Variants in RBFOX1 observed in about 807,000 individuals in gnomAD.
RBFOX1 encodes the protein RNA binding fox-1 homolog 1, also known as RNA binding protein fox-1 homolog 1.
In RBFOX1, 8 loss-of-function variants were observed where a neutral mutation model predicts 57.7. The observed-to-expected ratio is 0.14, with a 90% CI of 0.08 to 0.25. The LOEUF (loss-of-function observed/expected upper bound fraction) is 0.25, where lower values mean the gene tolerates loss of function less well. Ranked by LOEUF, RBFOX1 falls within the 10% of genes least tolerant of loss-of-function variation. RBFOX1 has a pLI of 1.00. For missense variants in RBFOX1, 611 were observed against 548.5 expected, an observed-to-expected ratio of 1.11 and a Z score of -1.14; for synonymous variants, 326 against 222.4, an observed-to-expected ratio of 1.47 and a Z score of -4.15.
chr16:7,197,405 T>G (rs2086981494), intron 4 of RBFOX1, among the ~76,000 whole-genome samples: 2 of 129,684 alleles, frequency 1.5e-5, no homozygotes. Context: ...AGTTAAAAGG[T>G]AGTCATGGGG....
intron 2 of RBFOX1, among the ~76,000 whole-genome samples, chr16:6,418,655 C>G (rs976340671): frequency 4.6e-5 from 7 of 150,834 alleles, no homozygotes; most frequent in African/African-American, 1.7e-4. Context: ...TTCTAAGTAG[C>G]TGGGCTACAG....
At chr16:7,610,186 C>T (rs1409428119) in intron 10 of RBFOX1, among the ~76,000 whole-genome samples, 1 of 125,978 alleles carries the variant, frequency 7.9e-6, no homozygotes, top group African/African-American at 3.1e-5. Flanking sequence ...GTGGCATGAT[C>T]TCGACTCTCT....
At chr16:6,071,177 C>T (rs2095832790) in intron 1 of RBFOX1, among the ~76,000 whole-genome samples, 1 of 152,018 alleles carries the variant, frequency 6.6e-6, no homozygotes, top group Non-Finnish European at 1.5e-5. Flanking sequence ...CAAAAATTAG[C>T]GGGACGTGTG....
rs35407844 is a variant in RBFOX1, at chr16:6,539,806, GACAC to G, written c.-63-114769_-63-114766del. On this transcript the variant is annotated intron_variant, in intron 2 of 15. Coordinates refer to ENST00000550418, the MANE Select transcript of RBFOX1 (RefSeq NM_018723.4). Reference sequence around the variant, plus strand: ...GACTGAGGCTGCATCTCAAAACACAGACACACACACACACACACACACACACACA... The same window carrying G: ...GACTGAGGCTGCATCTCAAAACACAGACACACACACACACACACACACACA... Among the ~76,000 whole-genome samples, 129 of 136,320 alleles carry G rather than the reference GACAC, an allele frequency of 9.5e-4. 3 individuals are homozygous for G. In the South Asian group the frequency reaches 0.011, roughly 12 times the overall value. The allele number at this position is 136,320 out of a possible 152,430, so 89.4% of individuals were successfully genotyped here.
chr16:6,710,837 C>G (rs1248760203), intron 3 of RBFOX1, among the ~76,000 whole-genome samples: 1 of 152,152 alleles, frequency 6.6e-6, no homozygotes, highest in Non-Finnish European at 1.5e-5. Flanking sequence ...GTAGCAAAAA[C>G]AAATTTGGTG....
chr16:5,557,175 G>A (rs560171123), intron 2 of RBFOX1, among the ~76,000 whole-genome samples: 39 of 152,078 alleles, frequency 2.6e-4, no homozygotes, highest in African/African-American at 8.0e-4. Flanking sequence ...CAGGAAAGTC[G>A]TTTGAACCCA....
intron 1 of RBFOX1, among the ~76,000 whole-genome samples, chr16:5,423,137 G>A (rs2067405282): frequency 6.6e-6 from 1 of 151,722 alleles, no homozygotes; most frequent in African/African-American, 2.4e-5. Context: ...GAGGTGGAGA[G>A]GGAGAAGGTT....
intron 3 of RBFOX1, among the ~76,000 whole-genome samples, chr16:6,819,760 C>T (rs894005639): frequency 1.9e-5 from 2 of 105,270 alleles, no homozygotes; most frequent in South Asian, 3.2e-4. Flanking sequence ...TATAGTATAA[C>T]AGGTATTAAA....
At chr16:7,428,298 A>G (rs1421696012) in intron 4 of RBFOX1, among the ~76,000 whole-genome samples, 2 of 145,158 alleles carry the variant, frequency 1.4e-5, no homozygotes, top group Admixed American at 6.9e-5. Flanking sequence ...TGTATGAGAT[A>G]TATTTGACCT....
chr16:6,684,450 T>C (rs751585562), intron 3 of RBFOX1, among the ~76,000 whole-genome samples: 9 of 152,210 alleles, frequency 5.9e-5, no homozygotes, highest in Non-Finnish European at 1.2e-4. Flanking sequence ...ATGCAATCAA[T>C]TGCTGGCCAC....
At chr16:6,691,156 C>T (rs1487204015) in intron 3 of RBFOX1, among the ~76,000 whole-genome samples, 2 of 152,116 alleles carry the variant, frequency 1.3e-5, no homozygotes, top group Non-Finnish European at 2.9e-5. Context: ...CCAACCATGT[C>T]TTTTGTATCA....
intron 4 of RBFOX1, among the ~76,000 whole-genome samples, chr16:7,155,856 C>G (rs951820936): frequency 6.7e-6 from 1 of 149,960 alleles, no homozygotes; most frequent in African/African-American, 2.5e-5. Context: ...TGTGATGAAC[C>G]ATATGTAGTG....
intron 1 of RBFOX1, among the ~76,000 whole-genome samples, chr16:5,343,529 C>T (rs1415051303): frequency 6.6e-6 from 1 of 151,350 alleles, no homozygotes; most frequent in Non-Finnish European, 1.5e-5. Context: ...CACCGTGTTA[C>T]CCAGGATGGT....
intron 4 of RBFOX1, among the ~76,000 whole-genome samples, chr16:7,124,516 C>T (rs79068378): frequency 1.1e-5 from 1 of 92,902 alleles, no homozygotes; most frequent in Non-Finnish European, 2.2e-5. Context: ...CCTCCCCTCC[C>T]CTCCCCTCCC....
At chr16:6,323,440 G>T (rs1041980891) in intron 2 of RBFOX1, among the ~76,000 whole-genome samples, 1 of 152,116 alleles carries the variant, frequency 6.6e-6, no homozygotes, top group African/African-American at 2.4e-5. Flanking sequence ...AGTCTTGCTT[G>T]CTTCTGTATC....
Position 6,542,483 on chromosome 16 carries a change from C to CTTTTTTTTTTTTTTTT in RBFOX1, c.-63-112111_-63-112096dup, listed in dbSNP as rs71145245. Among the ~76,000 whole-genome samples the CTTTTTTTTTTTTTTTT allele has an allele frequency of 1.1e-3, 61 of 55,728 alleles. 14 individuals carry two copies. The highest frequency in any genetic ancestry group is 2.4e-3 in the East Asian group (4 of 1,648). 36.6% of individuals were successfully genotyped at this position (55,728 alleles called of 152,430 possible). A position where few individuals can be genotyped will look rare whatever the true frequency, so the allele number is the denominator to read the frequency against. On this transcript the variant is annotated intron_variant, in intron 2 of 15. Coordinates refer to ENST00000550418, the MANE Select transcript of RBFOX1 (RefSeq NM_018723.4). ...CCACTGCCCTGTGTGGGACCATAGT[C>CTTTTTTTTTTTTTTTT]TTTTTTTTTTTTTTTTTTTTTTTTG...
chr16:7,256,576 CTG>C (rs1437046214), intron 4 of RBFOX1, among the ~76,000 whole-genome samples: 1 of 152,132 alleles, frequency 6.6e-6, no homozygotes. Context: ...ACCATGTAAA[CTG>C]TGTGTGCGTT....
chr16:6,132,949 A>C (rs2096639817), intron 1 of RBFOX1, among the ~76,000 whole-genome samples: 1 of 150,290 alleles, frequency 6.7e-6, no homozygotes, highest in African/African-American at 2.5e-5. Flanking sequence ...TGGGCAACAG[A>C]ACGAGACTCT....
chr16:7,433,834 AC>A (rs1364465272), intron 4 of RBFOX1, among the ~76,000 whole-genome samples: 1 of 152,086 alleles, frequency 6.6e-6, no homozygotes, highest in Non-Finnish European at 1.5e-5. Flanking sequence ...CTTATTTAAC[AC>A]CTGTGTGTGC....
Sources: allele counts gnomAD v4.1 joint callset (sites outside exome capture counted in the v4.1 genomes callset), GRCh38; gene constraint gnomAD v4.1.1; transcripts MANE v1.5; gene names NCBI Gene and HGNC (gene_info 2026-07-23, HGNC 2026-07-21).